Variants in IGDCC4 observed in about 807,000 individuals in gnomAD.
IGDCC4 encodes immunoglobulin superfamily DCC subclass member 4.
IGDCC4 carries 72 observed loss-of-function variants against 116.6 expected under a neutral mutation model. That is an observed-to-expected ratio of 0.62 (90% CI 0.51 to 0.75). The LOEUF is 0.75. IGDCC4 is among the 30% of genes least tolerant of loss of function. IGDCC4 has a pLI of 0.00. For missense variants in IGDCC4, 1,501 were observed against 1,662.4 expected (o/e 0.90, Z 1.69); for synonymous variants, 709 against 719.9 (o/e 0.98, Z 0.24).
At chr15:65,400,303 C>T (rs779809221) in intron 5 of IGDCC4, among the ~76,000 whole-genome samples, 1 of 152,204 alleles carries the variant, frequency 6.6e-6, no homozygotes, top group Admixed American at 6.5e-5. Flanking sequence ...AGGGTCCCTG[C>T]CTCTCTGTGT....
At chr15:65,412,921 ATC>A (rs372790909) in intron 1 of IGDCC4, among the ~76,000 whole-genome samples, 116 of 144,882 alleles carry the variant, frequency 8.0e-4, no homozygotes, top group African/African-American at 1.2e-3. Context: ...ACATATATAG[ATC>A]TCTCTCTCTC....
intron 1 of IGDCC4, among the ~76,000 whole-genome samples, chr15:65,420,535 C>A (rs2063180948): frequency 6.6e-6 from 1 of 152,148 alleles, no homozygotes; most frequent in Non-Finnish European, 1.5e-5. Flanking sequence ...AGGCCAGAAA[C>A]CTTGGTGGGC....
intron 3 of IGDCC4, 58 bp downstream of exon 3, chr15:65,410,120 C>T: frequency 6.3e-7 from 1 of 1,593,810 alleles, no homozygotes; most frequent in Non-Finnish European, 8.6e-7. Context: ...GTTCTGAGCA[C>T]ACCCCAGAGC....
At chr15:65,403,897 C>T (rs1367343695) in intron 3 of IGDCC4, among the ~76,000 whole-genome samples, 1 of 152,114 alleles carries the variant, frequency 6.6e-6, no homozygotes, top group Non-Finnish European at 1.5e-5. Context: ...CCAGAGTGGG[C>T]TCCGACCTAA....
rs531944571 is a variant in IGDCC4, at chr15:65,391,746, G to A, written c.2224+134C>T. ...AGCTAAAAGAGGACCCCTGATCCTA[G>A]GAGAATGGGTTTGGGCATGAGCTGA... On this transcript the variant is annotated intron_variant, in intron 12 of 19. Transcript: ENST00000352385. 1.9e-4 allele frequency: 142 copies of A among 734,968 alleles called. No individual in the cohort carries two copies. The South Asian group carries it at 2.1e-3, about 11-fold the overall frequency. The allele number at this position is 734,968 out of a possible 1,614,324, so 45.5% of individuals were successfully genotyped here.
chr15:65,391,793 C>G, intron 12 of IGDCC4, 87 bp downstream of exon 12: 13 of 1,233,800 alleles, frequency 1.1e-5, no homozygotes, highest in Non-Finnish European at 1.4e-5. Context: ...TACCTGCTCA[C>G]CAGGCTGGCC....
intron 1 of IGDCC4, among the ~76,000 whole-genome samples, chr15:65,418,167 G>A (rs1219154890): frequency 6.6e-6 from 1 of 152,176 alleles, no homozygotes; most frequent in Non-Finnish European, 1.5e-5. Flanking sequence ...AGGAAGACAT[G>A]TGGAAACTGC....
intron 1 of IGDCC4, among the ~76,000 whole-genome samples, chr15:65,415,302 T>C (rs888584586): frequency 1.3e-5 from 2 of 152,286 alleles, no homozygotes; most frequent in Admixed American, 1.3e-4. Context: ...GAACAAACAA[T>C]GTGAACAGTT....
chr15:65,384,068 G>A lies in IGDCC4; in HGVS notation c.3694C>T (p.Pro1232Ser), dbSNP rs868064523. The change falls in exon 20 of 20, where the codon CCC becomes TCC. Residue 1232 changes from proline to serine, a missense_variant. Around this residue, in one of 3 missense-constraint regions of IGDCC4, gnomAD observed 368 missense variants for 355.6 expected, o/e 1.03. Transcript: ENST00000352385. The surrounding 1 kb of genome is among the most constrained non-coding windows in gnomAD (Gnocchi z 4.9). ...CCTGGGCTGGCTCCTAGAGGGCAGGGGGATTTGAGCTGGCAGCTATCTCCA... is the reference window on the plus strand; with the variant it reads ...CCTGGGCTGGCTCCTAGAGGGCAGGAGGATTTGAGCTGGCAGCTATCTCCA... ...TPGDSCQLKS[P>S]CPLGASPGLP... is the part of the protein sequence containing the mutation. The A allele has an allele frequency of 6.2e-7, 1 of 1,613,404 alleles. No individual in the cohort carries two copies. Among genetic ancestry groups the A allele is most frequent in the African/African-American group, 1.3e-5 (1 of 75,046 alleles).
At chr15:65,404,055 T>C (rs902011101) in intron 3 of IGDCC4, among the ~76,000 whole-genome samples, 5 of 151,976 alleles carry the variant, frequency 3.3e-5, no homozygotes, top group African/African-American at 9.7e-5. Flanking sequence ...AAGGGGGCAG[T>C]TGTGCGCTTG....
Position 65,385,957 on chromosome 15 carries a change from C to T in IGDCC4, c.3054G>A (p.Leu1018=). 6.4e-7 allele frequency: 1 copy of T among 1,567,936 alleles called. No homozygotes were observed. Among genetic ancestry groups the T allele is most frequent in the Non-Finnish European group, 8.7e-7 (1 of 1,149,782 alleles). Residue 1018 remains leucine, a synonymous_variant, in exon 18 of 20, where the codon TTG becomes TTA. Transcript: ENST00000352385. ...GGGGATGGGGGTGCACAAGGGACTC[C>T]AATTCATGGGCAGCTGGGGGGCTGG... ...GPPSPPAAHE[L]ESLVHPHPQD...
chr15:65,413,515 C>T (rs1333888901), intron 1 of IGDCC4, among the ~76,000 whole-genome samples: 1 of 152,198 alleles, frequency 6.6e-6, no homozygotes, highest in Non-Finnish European at 1.5e-5. Flanking sequence ...AAGGCAAAAA[C>T]ACACAAAAGC....
rs2091427958 is a variant in IGDCC4 at position 65,384,042 on chromosome 15, G to A, written c.3720C>T (p.Gly1240=). ...KSPCPLGASP[G]LPRSPVSSSA is the part of the protein sequence containing the mutation. Reference sequence around the variant, plus strand: ...AGGAGGAGACCGGGGATCTGGGCAGGCCTGGGCTGGCTCCTAGAGGGCAGG... The same window carrying A: ...AGGAGGAGACCGGGGATCTGGGCAGACCTGGGCTGGCTCCTAGAGGGCAGG... Residue 1240 remains glycine, a synonymous_variant, in exon 20 of 20, where the codon GGC becomes GGT. Coordinates refer to ENST00000352385, the MANE Select transcript of IGDCC4 (RefSeq NM_020962.3). The surrounding 1 kb of genome is among the most constrained non-coding windows in gnomAD (Gnocchi z 4.9). 3.1e-6 allele frequency: 5 copies of A among 1,609,554 alleles called. No homozygotes were observed. Among genetic ancestry groups the A allele is most frequent in the African/African-American group, 1.3e-5 (1 of 74,852 alleles).
Position 65,383,316 on chromosome 15 carries a change from G to C in IGDCC4, c.*693C>G, listed in dbSNP as rs2091419401. 1 of 153,076 alleles carries C rather than the reference G, an allele frequency of 6.5e-6. No individual in the cohort carries two copies. The highest frequency in any genetic ancestry group is 2.1e-4 in the South Asian group (1 of 4,840). The allele number at this position is 153,076 out of a possible 1,614,324, so 9.5% of individuals were successfully genotyped here. A position where few individuals can be genotyped will look rare whatever the true frequency, so the allele number is the denominator to read the frequency against. Reference sequence around the variant, plus strand: ...GAGCAGGAGAAGGGCACTGGTGCTGGGAGAGCGAGGTGACTGGGAGACAGA... The same window carrying C: ...GAGCAGGAGAAGGGCACTGGTGCTGCGAGAGCGAGGTGACTGGGAGACAGA... On this transcript the variant is annotated 3_prime_UTR_variant, in exon 20 of 20. Coordinates refer to ENST00000352385, the MANE Select transcript of IGDCC4 (RefSeq NM_020962.3).
Position 65,389,882 on chromosome 15 carries a change from A to G in IGDCC4, c.2408+273T>C, listed in dbSNP as rs371586991. 1.7e-3 allele frequency among the ~76,000 whole-genome samples: 252 copies of G among 152,264 alleles called. 1 individual carries two copies. The highest frequency in any genetic ancestry group is 4.3e-3 in the African/African-American group (178 of 41,548). ...CTGGGAGCCCTCTGAGGTTGGAGAA[A>G]CAGGTCTGTCCTGTGTCACATTCTC... On this transcript the variant is annotated intron_variant, in intron 13 of 19. Coordinates refer to ENST00000352385, the MANE Select transcript of IGDCC4 (RefSeq NM_020962.3).
At chr15:65,397,050 T>A (rs2062935416) in intron 5 of IGDCC4, 61 bp from the exon 6 acceptor site, 1 of 1,538,604 alleles carries the variant, frequency 6.5e-7, no homozygotes, top group South Asian at 1.2e-5. Flanking sequence ...CCCTTCAGTC[T>A]CCGAACCTCA....
chr15:65,407,006 GT>G (rs1390881715), intron 3 of IGDCC4, among the ~76,000 whole-genome samples: 1 of 152,118 alleles, frequency 6.6e-6, no homozygotes, highest in East Asian at 1.9e-4. Context: ...AAGTTGTAAT[GT>G]GATACAAACT....
chr15:65,410,300 C>T lies in IGDCC4; in HGVS notation c.441G>A (p.Leu147=). Residue 147 remains leucine, a synonymous_variant, in exon 3 of 20, where the codon CTG becomes CTA. Coordinates refer to ENST00000352385, the MANE Select transcript of IGDCC4 (RefSeq NM_020962.3). ...VKLATLADFS[L]HPESQTVEEN... is the part of the protein sequence containing the mutation. ...CCTCCACCGTCTGAGACTCCGGGTGCAGAGAGAAGTCTGCGAGTGCTGGGG... is the reference window on the plus strand; with the variant it reads ...CCTCCACCGTCTGAGACTCCGGGTGTAGAGAGAAGTCTGCGAGTGCTGGGG... 6.2e-7 allele frequency: 1 copy of T among 1,613,984 alleles called. No homozygotes were observed. Among genetic ancestry groups the T allele is most frequent in the Non-Finnish European group, 8.5e-7 (1 of 1,180,016 alleles).
In IGDCC4 at chr15:65,384,748, C is replaced by A. The variant is rs1018202432; in HGVS notation, c.3342+206G>T. ...CACTTAGGTCTGGGTAGAGGAGGGG[C>A]TGTTTTCAACCCAGGTTGAAACAGG... On this transcript the variant is annotated intron_variant, in intron 19 of 19. Transcript: ENST00000352385. This position sits in a 1 kb window ranked among gnomAD's most constrained non-coding sequence, Gnocchi z 4.9. 1.6e-6 allele frequency: 1 copy of A among 633,008 alleles called. No individual in the cohort carries two copies. Among genetic ancestry groups the A allele is most frequent in the Non-Finnish European group, 2.6e-6 (1 of 386,028 alleles). The allele number at this position is 633,008 out of a possible 1,614,324, so 39.2% of individuals were successfully genotyped here. A position where few individuals can be genotyped will look rare whatever the true frequency, so the allele number is the denominator to read the frequency against.
Sources: gnomAD v4.1 joint callset for allele counts (sites outside exome capture counted in the v4.1 genomes callset) on GRCh38, gnomAD v4.1.1 for gene constraint, gnomAD v4.1.1 regional missense constraint, Gnocchi (gnomAD v3.1) non-coding constraint, MANE v1.5 for transcripts, NCBI Gene and HGNC (gene_info 2026-07-23, HGNC 2026-07-21) for gene names.